Variants in NPEPPS observed in about 807,000 individuals in gnomAD.
The protein encoded by NPEPPS is puromycin-sensitive aminopeptidase.
NPEPPS carries 14 observed loss-of-function variants against 115.5 expected under a neutral mutation model. The observed-to-expected ratio is 0.12, with a 90% CI of 0.08 to 0.19. The LOEUF (loss-of-function observed/expected upper bound fraction) is 0.19, where lower values mean the gene tolerates loss of function less well. NPEPPS is among the 10% of genes least tolerant of loss of function. NPEPPS has a pLI of 1.00. For synonymous variants in NPEPPS, 285 were observed against 390.6 expected (o/e 0.73, Z 3.19); for missense variants, 523 against 1,110.8 (o/e 0.47, Z 7.52).
chr17:47,596,576 C>A, intron 13 of NPEPPS, 114 bp downstream of exon 13: 1 of 514,024 alleles, frequency 1.9e-6, no homozygotes, highest in Non-Finnish European at 3.4e-6. Context: ...TAAACCAGCC[C>A]TGTTACTCTT....
intron 5 of NPEPPS, among the ~76,000 whole-genome samples, chr17:47,584,375 A>G (rs2143848719): frequency 6.6e-6 from 1 of 152,292 alleles, no homozygotes; most frequent in South Asian, 2.1e-4. Context: ...CACCAGTGTT[A>G]TTGATCTCAT....
At chr17:47,550,193 G>A (rs1199032345) in intron 2 of NPEPPS, among the ~76,000 whole-genome samples, 9 of 151,874 alleles carry the variant, frequency 5.9e-5, no homozygotes, top group Admixed American at 1.3e-4. Flanking sequence ...TTGGCCTCCC[G>A]AAGTGCTGGG....
Position 47,601,598 on chromosome 17 carries a change from T to C in NPEPPS, c.1601-10T>C, listed in dbSNP as rs759892020. 1 of 1,613,106 alleles carries C rather than the reference T, an allele frequency of 6.2e-7. No individual in the cohort carries two copies. Among genetic ancestry groups the C allele is most frequent in the Non-Finnish European group, 8.5e-7 (1 of 1,179,680 alleles). On this transcript the variant is annotated splice_polypyrimidine_tract_variant and intron_variant, in intron 14 of 22. Transcript: ENST00000322157. ...CCAGTGCAAAATTTGTTTGTTCTTC[T>C]CTGGCTTAGGTGAAGATTGTCCCCA...
At position 47,612,455 on chromosome 17, in the gene NPEPPS, A is replaced by G; in HGVS notation, c.2096-5A>G. 1.2e-6 allele frequency: 2 copies of G among 1,613,584 alleles called. No individual in the cohort carries two copies. Among genetic ancestry groups the G allele is most frequent in the Non-Finnish European group, 1.7e-6 (2 of 1,179,732 alleles). On this transcript the variant is annotated splice_polypyrimidine_tract_variant and splice_region_variant and intron_variant, in intron 17 of 22. Transcript: ENST00000322157. ...GTCTTATGTCTCTTTTACTTCTCAA[A>G]TCAGGTCATCTCGATGCACTCCTGA... is the stretch of plus-strand genomic sequence containing the variant.
At chr17:47,556,578 T>C (rs968619970) in intron 2 of NPEPPS, among the ~76,000 whole-genome samples, 37 of 152,258 alleles carry the variant, frequency 2.4e-4, no homozygotes, top group Middle Eastern at 3.4e-3. Flanking sequence ...CATGGCCCGC[T>C]CTCAATGAGC....
intron 1 of NPEPPS, among the ~76,000 whole-genome samples, chr17:47,537,701 TAAAA>T (rs772361436): frequency 2.1e-5 from 3 of 140,376 alleles, no homozygotes; most frequent in Non-Finnish European, 4.7e-5. Context: ...ACCCTGTCTT[TAAAA>T]AAAAAAAAAA....
chr17:47,561,961 C>G (rs948365859), intron 2 of NPEPPS, among the ~76,000 whole-genome samples: 3 of 152,238 alleles, frequency 2.0e-5, no homozygotes, highest in African/African-American at 7.2e-5. Flanking sequence ...TCAGTCGTGA[C>G]TGTCCAGTGA....
At chr17:47,581,587 C>A (rs909424705) in intron 4 of NPEPPS, 6 of 152,124 alleles carry the variant, frequency 3.9e-5, no homozygotes, top group Non-Finnish European at 7.3e-5. Flanking sequence ...CTTATACTCT[C>A]CCTTCTTTTC....
rs767705802 is a variant in NPEPPS, at chr17:47,605,348, A to G, written c.1891A>G (p.Ile631Val). The G allele has an allele frequency of 7.5e-6, 12 of 1,608,152 alleles. No individual in the cohort carries two copies. In the South Asian group the frequency reaches 1.3e-4, roughly 18 times the overall value. ...CCTATCCCAGGCTCGAGCTGGAATC[A>G]TTAGCACTGTAGAGGTTCTAAAAGT... ...DLFSLARAGI[I>V]STVEVLKVME... The change falls in exon 17 of 23, where the codon ATT becomes GTT. Residue 631 changes from isoleucine (I) to valine (V), a missense_variant. Ile to Val is a conservative substitution (Grantham distance 29). This residue lies in a region of NPEPPS where 372 missense variants were observed against 542.6 expected (regional missense o/e 0.69). Transcript: ENST00000322157.
At chr17:47,582,536 T>C in intron 4 of NPEPPS, 1 of 601,970 alleles carries the variant, frequency 1.7e-6, no homozygotes, top group Non-Finnish European at 3.1e-6. Flanking sequence ...TAGCAGACAC[T>C]GTTCCTGGAT....
intron 2 of NPEPPS, among the ~76,000 whole-genome samples, chr17:47,546,386 G>A (rs1236410789): frequency 2.0e-5 from 3 of 151,932 alleles, no homozygotes; most frequent in South Asian, 2.1e-4. Flanking sequence ...TGATTGCGCC[G>A]CTGCACTCCA....
rs781519164 is a variant in NPEPPS, at chr17:47,579,482, G to T, written c.511G>T (p.Val171Leu). The T allele has an allele frequency of 3.1e-6, 5 of 1,610,882 alleles. No homozygotes were observed. The East Asian group carries it at 1.1e-4, about 36-fold the overall frequency. The change falls in exon 4 of 23, where the codon GTG becomes TTG. Residue 171 changes from valine (V) to leucine (L), a missense_variant. Coordinates refer to ENST00000322157, the MANE Select transcript of NPEPPS (RefSeq NM_006310.4). ...TAAATATACTACCCCTTCTGGAGAG[G>T]TGCGCTATGCTGCTGTAACACAGTT... ...RSKYTTPSGE[V>L]RYAAVTQFEA... is the part of the protein sequence containing the mutation.
chr17:47,614,084 C>T (rs1353882954), intron 19 of NPEPPS, among the ~76,000 whole-genome samples: 2 of 151,882 alleles, frequency 1.3e-5, no homozygotes, highest in African/African-American at 2.4e-5. Context: ...GATCCTCCTG[C>T]GTCAGCCTTC....
intron 11 of NPEPPS, 34 bp downstream of exon 11, chr17:47,592,094 T>C (rs750795979): frequency 1.5e-6 from 2 of 1,306,180 alleles, no homozygotes; most frequent in Admixed American, 3.7e-5. Context: ...CATTCTTTTA[T>C]GGTGAAATCA....
intron 8 of NPEPPS, 26 bp from the exon 9 acceptor site, chr17:47,587,204 T>C: frequency 6.5e-7 from 1 of 1,534,476 alleles, no homozygotes; most frequent in Non-Finnish European, 8.7e-7. Context: ...TTTAAATTTG[T>C]TTCTTTTTTT....
rs1907768156 is a variant in NPEPPS at position 47,531,525 on chromosome 17, C to T, written c.225C>T (p.Thr75=). 3 of 1,608,292 alleles carry T rather than the reference C, an allele frequency of 1.9e-6. No individual in the cohort carries two copies. Among genetic ancestry groups the T allele is most frequent in the East Asian group, 2.2e-5 (1 of 44,648 alleles). ...TCAAGCCCGACTTGCTGGACTTCAC[C>T]TTCGAGGGCAAGCTGGAGGCCGCCG... ...LCLKPDLLDF[T]FEGKLEAAAQ... The change falls in exon 1 of 23, where the codon ACC becomes ACT. Residue 75 remains threonine (T), a synonymous_variant. Coordinates refer to ENST00000322157, the MANE Select transcript of NPEPPS (RefSeq NM_006310.4).
At chr17:47,534,993 C>G (rs1908092449) in intron 1 of NPEPPS, among the ~76,000 whole-genome samples, 1 of 151,670 alleles carries the variant, frequency 6.6e-6, no homozygotes, top group South Asian at 2.1e-4. Flanking sequence ...ACCTGTAATC[C>G]CAGCACTCTG....
intron 1 of NPEPPS, among the ~76,000 whole-genome samples, chr17:47,542,274 C>T (rs577329963): frequency 1.1e-3 from 164 of 152,184 alleles, no homozygotes; most frequent in African/African-American, 3.9e-3. Flanking sequence ...AGGCCAGGTG[C>T]GGTGGCTCAT....
chr17:47,587,222 A>T lies in NPEPPS; in HGVS notation c.981-8A>T, dbSNP rs1281562303. ...AAATTTGTTTCTTTTTTTTTTTTTT[A>T]AACACAGGGAGACTGCATTGCTTAT... On this transcript the variant is annotated splice_region_variant and splice_polypyrimidine_tract_variant and intron_variant, in intron 8 of 22. Transcript: ENST00000322157. The T allele has an allele frequency of 8.5e-6, 13 of 1,527,458 alleles. No homozygotes were observed. The highest frequency in any genetic ancestry group is 4.7e-5 in the East Asian group (2 of 42,600). 94.6% of individuals were successfully genotyped at this position (1,527,458 alleles called of 1,614,324 possible). A position where few individuals can be genotyped will look rare whatever the true frequency, so the allele number is the denominator to read the frequency against.
Sources: allele counts gnomAD v4.1 joint callset (sites outside exome capture counted in the v4.1 genomes callset), GRCh38; gene constraint gnomAD v4.1.1; regional missense constraint gnomAD v4.1.1; transcripts MANE v1.5; gene names NCBI Gene and HGNC (gene_info 2026-07-23, HGNC 2026-07-21).